Variants in SBF2 observed in about 807,000 individuals in gnomAD.
SBF2 encodes SET binding factor 2, also known as myotubularin-related protein 13.
SBF2 carries 112 observed loss-of-function variants against 225.2 expected under a neutral mutation model. The observed-to-expected ratio is 0.50, with a 90% CI of 0.43 to 0.58. The LOEUF (loss-of-function observed/expected upper bound fraction) is 0.58, where lower values mean the gene tolerates loss of function less well. Among genes scored for constraint, SBF2 ranks in the 20% least tolerant of loss-of-function variants. SBF2 has a pLI of 0.00. For missense variants in SBF2, 1,996 were observed against 2,206.2 expected (o/e 0.90, Z 1.91); for synonymous variants, 763 against 773.3 (o/e 0.99, Z 0.22).
chr11:9,912,045 G>A (rs1430012068), intron 16 of SBF2, among the ~76,000 whole-genome samples: 14 of 152,258 alleles, frequency 9.2e-5, no homozygotes, highest in South Asian at 2.1e-4. Context: ...AGCTGGGTGC[G>A]GTGGCTCACG....
intron 10 of SBF2, among the ~76,000 whole-genome samples, chr11:9,993,454 T>C (rs1463123887): frequency 1.3e-5 from 2 of 152,236 alleles, no homozygotes; most frequent in East Asian, 1.9e-4. Context: ...CTGAGCAAAA[T>C]AAAAAAGGGG....
At chr11:10,293,061 G>A (rs1224907716) in intron 1 of SBF2, among the ~76,000 whole-genome samples, 1 of 152,230 alleles carries the variant, frequency 6.6e-6, no homozygotes, top group Non-Finnish European at 1.5e-5. Flanking sequence ...TCTGAAAAAT[G>A]AAGGGGCTGT....
At chr11:9,835,195 A>G (rs1275747231) in intron 26 of SBF2, among the ~76,000 whole-genome samples, 1 of 152,158 alleles carries the variant, frequency 6.6e-6, no homozygotes, top group Non-Finnish European at 1.5e-5. Flanking sequence ...TTTTAATTCA[A>G]GCATAATTCA....
intron 1 of SBF2, among the ~76,000 whole-genome samples, chr11:10,200,986 C>G (rs1957550943): frequency 6.6e-6 from 1 of 152,200 alleles, no homozygotes; most frequent in African/African-American, 2.4e-5. Flanking sequence ...ATACACATTA[C>G]TGACACTGGC....
intron 26 of SBF2, chr11:9,838,466 T>C (rs1247026130): frequency 6.6e-6 from 1 of 152,196 alleles, no homozygotes; most frequent in Non-Finnish European, 1.5e-5. Flanking sequence ...AAAATTTAGT[T>C]AGAATGACGG....
At chr11:9,842,586 T>C (rs548098648) in intron 25 of SBF2, 39 bp downstream of exon 25, 13 of 1,601,942 alleles carry the variant, frequency 8.1e-6, no homozygotes, top group Admixed American at 1.7e-5. Context: ...ATATAAGAAA[T>C]AAAGTTGAAT....
chr11:10,238,862 G>A (rs1008827901), intron 1 of SBF2, among the ~76,000 whole-genome samples: 1 of 150,776 alleles, frequency 6.6e-6, no homozygotes, highest in East Asian at 1.9e-4. Flanking sequence ...GCGGTGAGCC[G>A]AGATTGCCCC....
intron 36 of SBF2, among the ~76,000 whole-genome samples, chr11:9,786,770 C>T (rs951893451): frequency 1.3e-5 from 2 of 152,092 alleles, no homozygotes; most frequent in Non-Finnish European, 2.9e-5. Context: ...AAATAGGATA[C>T]GAAGGTGTGT....
intron 17 of SBF2, among the ~76,000 whole-genome samples, chr11:9,889,148 C>T (rs1358899293): frequency 6.6e-6 from 1 of 152,180 alleles, no homozygotes; most frequent in East Asian, 1.9e-4. Context: ...AAGGTCACCA[C>T]TTAGCTAGCT....
At chr11:10,219,966 C>G (rs562226713) in intron 1 of SBF2, among the ~76,000 whole-genome samples, 2 of 152,298 alleles carry the variant, frequency 1.3e-5, no homozygotes, top group East Asian at 3.9e-4. Context: ...TACCCAGTTC[C>G]AAAGATGCTC....
chr11:9,901,836 G>C (rs890026575), intron 16 of SBF2, among the ~76,000 whole-genome samples: 2 of 151,984 alleles, frequency 1.3e-5, no homozygotes, highest in African/African-American at 4.8e-5. Flanking sequence ...GTAGAGATGG[G>C]GTTTCACCTT....
chr11:10,072,890 AATT>A (rs58223002), intron 2 of SBF2, among the ~76,000 whole-genome samples: 67,296 of 148,372 alleles, frequency 0.45, 15,643 homozygotes, highest in Admixed American at 0.55. Context: ...ACATATGGCT[AATT>A]ATTATTATTA....
At chr11:9,948,985 A>C (rs543508878) in intron 16 of SBF2, among the ~76,000 whole-genome samples, 1 of 152,232 alleles carries the variant, frequency 6.6e-6, no homozygotes, top group African/African-American at 2.4e-5. Context: ...TATAAGCATA[A>C]GGCCCAGCTT....
intron 2 of SBF2, among the ~76,000 whole-genome samples, chr11:10,144,779 C>T (rs1305924628): frequency 6.6e-6 from 1 of 152,164 alleles, no homozygotes; most frequent in Non-Finnish European, 1.5e-5. Flanking sequence ...AAGTTTAGAC[C>T]TATTAATGAA....
intron 1 of SBF2, among the ~76,000 whole-genome samples, chr11:10,208,535 G>A (rs1957822135): frequency 6.6e-6 from 1 of 152,038 alleles, no homozygotes; most frequent in South Asian, 2.1e-4. Context: ...TACAGCAAAG[G>A]AGGGGGTGAA....
chr11:9,845,771 A>C (rs1439532345), intron 23 of SBF2, 31 bp from the exon 24 acceptor site: 1 of 1,606,510 alleles, frequency 6.2e-7, no homozygotes, highest in Non-Finnish European at 8.5e-7. Flanking sequence ...ACACAAAAGA[A>C]GCATTAAGGA....
intron 16 of SBF2, among the ~76,000 whole-genome samples, chr11:9,932,395 C>T (rs1322137830): frequency 6.6e-6 from 1 of 152,158 alleles, no homozygotes; most frequent in Non-Finnish European, 1.5e-5. Flanking sequence ...GGTCAGGTTA[C>T]CCACAAAGGG....
At chr11:10,137,590 T>C (rs984154840) in intron 2 of SBF2, among the ~76,000 whole-genome samples, 3 of 152,232 alleles carry the variant, frequency 2.0e-5, no homozygotes, top group Non-Finnish European at 4.4e-5. Flanking sequence ...CTTTCTAAGA[T>C]TTTTTAAAAA....
At chr11:10,210,280 C>T (rs1242574739) in intron 1 of SBF2, among the ~76,000 whole-genome samples, 1 of 151,590 alleles carries the variant, frequency 6.6e-6, no homozygotes, top group Non-Finnish European at 1.5e-5. Context: ...TGCACTCCAG[C>T]CTGGGAAACA....
Sources: allele counts gnomAD v4.1 joint callset (sites outside exome capture counted in the v4.1 genomes callset), GRCh38; gene constraint gnomAD v4.1.1; transcripts MANE v1.5; gene names NCBI Gene and HGNC (gene_info 2026-07-23, HGNC 2026-07-21).